ST8SIA1: variants seen among roughly 807,000 people sequenced by gnomAD.
ST8SIA1 encodes ST8 alpha-N-acetyl-neuraminide alpha-2,8-sialyltransferase 1, also known as alpha-N-acetylneuraminide alpha-2,8-sialyltransferase.
In ST8SIA1, 16 loss-of-function variants were observed where a neutral mutation model predicts 35.9. That is an observed-to-expected ratio of 0.45 (90% CI 0.30 to 0.68). The LOEUF (loss-of-function observed/expected upper bound fraction) is 0.68, where lower values mean the gene tolerates loss of function less well. Among genes scored for constraint, ST8SIA1 ranks in the 30% least tolerant of loss-of-function variants. The pLI, the probability that ST8SIA1 is intolerant of heterozygous loss-of-function variation, is 0.09. For missense variants in ST8SIA1, 383 were observed against 453.6 expected, an observed-to-expected ratio of 0.84 and a Z score of 1.41; for synonymous variants, 170 against 169.6, an observed-to-expected ratio of 1.00 and a Z score of -0.02.
intron 3 of ST8SIA1, among the ~76,000 whole-genome samples, chr12:22,252,938 T>C (rs1405128065): frequency 1.3e-5 from 2 of 152,258 alleles, no homozygotes; most frequent in African/African-American, 4.8e-5. Context: ...AATCACTTCT[T>C]TGAATCTGTG....
intron 2 of ST8SIA1, among the ~76,000 whole-genome samples, chr12:22,269,510 C>T (rs76152932): frequency 0.043 from 6,578 of 152,086 alleles, 453 homozygotes; most frequent in African/African-American, 0.15. Flanking sequence ...ATTATGGATA[C>T]CTTCCCTTCA....
Position 22,201,546 on chromosome 12 carries a change from T to C in ST8SIA1, c.*6A>G. 6.3e-7 allele frequency: 1 copy of C among 1,593,312 alleles called. No individual in the cohort carries two copies. Among genetic ancestry groups the C allele is most frequent in the Non-Finnish European group, 8.5e-7 (1 of 1,171,182 alleles). On this transcript the variant is annotated 3_prime_UTR_variant, in exon 5 of 5. Transcript: ENST00000396037. The stretch of plus-strand genomic sequence containing the variant: ...CCTGGTTCAGTCCTTTCTTCTTCCA[T>C]TGTTCCTAGGAAGTGGGCTGGAGTG...
intron 4 of ST8SIA1, among the ~76,000 whole-genome samples, chr12:22,240,971 G>A (rs1865533565): frequency 7.0e-6 from 1 of 141,874 alleles, no homozygotes; most frequent in South Asian, 2.3e-4. Flanking sequence ...CCTAGTTCAT[G>A]CCAACTCTTT....
chr12:22,210,634 G>C (rs552696697), intron 4 of ST8SIA1, among the ~76,000 whole-genome samples: 1 of 152,178 alleles, frequency 6.6e-6, no homozygotes, highest in Non-Finnish European at 1.5e-5. Flanking sequence ...CTGGCTGCAC[G>C]CTGAGGTTCC....
chr12:22,287,234 G>C lies in ST8SIA1; in HGVS notation c.296C>G (p.Ser99Cys). ...AHLFAMTKMN[S>C]PMGKSMWYDG... ...ATACCACATGCTCTTCCCCATAGGG[G>C]AATTCATTTTAGTCATAGCAAAGAG... Residue 99 changes from serine to cysteine, a missense_variant, in exon 2 of 5, where the codon TCC becomes TGC. Ser to Cys is a moderately radical substitution (Grantham distance 112, BLOSUM62 -1). Transcript: ENST00000396037. 1 of 1,614,080 alleles carries C rather than the reference G, an allele frequency of 6.2e-7. No individual in the cohort carries two copies.
At chr12:22,214,323 G>T (rs142358708) in intron 4 of ST8SIA1, among the ~76,000 whole-genome samples, 1 of 152,206 alleles carries the variant, frequency 6.6e-6, no homozygotes, top group Non-Finnish European at 1.5e-5. Context: ...AGTCATTAAA[G>T]GTATGAGATA....
intron 2 of ST8SIA1, among the ~76,000 whole-genome samples, chr12:22,256,574 T>C (rs1438100093): frequency 2.6e-5 from 4 of 152,202 alleles, no homozygotes; most frequent in African/African-American, 9.7e-5. Context: ...AGTATATGAA[T>C]ATACACTGTA....
intron 3 of ST8SIA1, among the ~76,000 whole-genome samples, chr12:22,251,755 C>T (rs1433281885): frequency 6.6e-6 from 1 of 152,196 alleles, no homozygotes; most frequent in Non-Finnish European, 1.5e-5. Context: ...CAACTGTGCT[C>T]ATGATCCTAA....
At chr12:22,330,654 G>A (rs1866750371) in intron 1 of ST8SIA1, among the ~76,000 whole-genome samples, 1 of 152,134 alleles carries the variant, frequency 6.6e-6, no homozygotes, top group Non-Finnish European at 1.5e-5. Context: ...TGTGGATAAT[G>A]ATATATCAAT....
chr12:22,265,939 C>T (rs981966108), intron 2 of ST8SIA1, among the ~76,000 whole-genome samples: 3 of 152,020 alleles, frequency 2.0e-5, no homozygotes, highest in Non-Finnish European at 2.9e-5. Flanking sequence ...AAAACACTTC[C>T]GATCTTCATT....
chr12:22,320,307 G>A (rs1050562342), intron 1 of ST8SIA1, among the ~76,000 whole-genome samples: 2 of 152,098 alleles, frequency 1.3e-5, no homozygotes, highest in Admixed American at 6.5e-5. Context: ...TACAGTCAAG[G>A]CCCCACCCTG....
chr12:22,273,236 G>A (rs1043476485), intron 2 of ST8SIA1, among the ~76,000 whole-genome samples: 6 of 152,146 alleles, frequency 3.9e-5, no homozygotes, highest in Non-Finnish European at 7.3e-5. Flanking sequence ...CTGCCCGTTT[G>A]GCACACTTTC....
At chr12:22,299,725 G>T (rs1866295122) in intron 1 of ST8SIA1, among the ~76,000 whole-genome samples, 1 of 151,960 alleles carries the variant, frequency 6.6e-6, no homozygotes, top group African/African-American at 2.4e-5. Context: ...ACAAATTATA[G>T]GAGATTTTAA....
intron 2 of ST8SIA1, among the ~76,000 whole-genome samples, chr12:22,278,930 T>C (rs1433136584): frequency 6.6e-6 from 1 of 152,208 alleles, no homozygotes; most frequent in Non-Finnish European, 1.5e-5. Flanking sequence ...CTTATCCACT[T>C]ACCTATTTTT....
intron 2 of ST8SIA1, among the ~76,000 whole-genome samples, chr12:22,273,273 A>G (rs1333421782): frequency 6.6e-6 from 1 of 152,006 alleles, no homozygotes; most frequent in Non-Finnish European, 1.5e-5. Context: ...CCGTTCACCT[A>G]TTTTTCATAT....
intron 2 of ST8SIA1, among the ~76,000 whole-genome samples, chr12:22,270,905 G>C (rs1396565288): frequency 6.6e-6 from 1 of 152,166 alleles, no homozygotes; most frequent in African/African-American, 2.4e-5. Flanking sequence ...TATTTGTACA[G>C]GTGGTCACAG....
At chr12:22,230,141 C>T (rs1209039057) in intron 4 of ST8SIA1, among the ~76,000 whole-genome samples, 3 of 152,160 alleles carry the variant, frequency 2.0e-5, no homozygotes, top group African/African-American at 7.2e-5. Context: ...TGCTCTTACA[C>T]AAAAATCAGA....
At chr12:22,287,690 T>C (rs1446029853) in intron 1 of ST8SIA1, among the ~76,000 whole-genome samples, 2 of 152,184 alleles carry the variant, frequency 1.3e-5, no homozygotes, top group Non-Finnish European at 2.9e-5. Flanking sequence ...GGTGCATCTC[T>C]ATCTTCATTA....
intron 4 of ST8SIA1, among the ~76,000 whole-genome samples, chr12:22,206,534 AGCCC>A (rs1865112645): frequency 6.6e-6 from 1 of 152,216 alleles, no homozygotes; most frequent in African/African-American, 2.4e-5. Context: ...AAGCTGGCTC[AGCCC>A]AGGGAAATGG....
Sources: gnomAD v4.1 joint callset for allele counts (sites outside exome capture counted in the v4.1 genomes callset) on GRCh38, gnomAD v4.1.1 for gene constraint, MANE v1.5 for transcripts, NCBI Gene and HGNC (gene_info 2026-07-23, HGNC 2026-07-21) for gene names.